Variants in KCTD8 observed in about 807,000 individuals in gnomAD.
KCTD8 encodes the protein BTB/POZ domain-containing protein KCTD8.
Under a neutral mutation model 31.5 loss-of-function variants are expected in KCTD8, and 27 were observed. That is an observed-to-expected ratio of 0.86 (90% CI 0.63 to 1.18). The LOEUF is 1.18. Ranked by LOEUF, KCTD8 falls within the 50% of genes most tolerant of loss-of-function variation. The pLI is 0.00. For missense variants in KCTD8, 658 were observed against 647.7 expected (o/e 1.02, Z -0.17); for synonymous variants, 290 against 280.0 (o/e 1.04, Z -0.36).
rs371301092 is a variant in KCTD8, at chr4:44,329,799, A to G, written c.961+117764T>C. ...GTACTCTATCAGTATAATATTCTTG[A>G]GATACAAATAATTCTTGGAATAGTC... On this transcript the variant is annotated intron_variant, in intron 1 of 1. Transcript: ENST00000360029. Among the ~76,000 whole-genome samples the G allele has an allele frequency of 5.9e-5, 9 of 152,088 alleles. No homozygotes were observed. In the South Asian group the frequency reaches 1.9e-3, roughly 32 times the overall value.
chr4:44,370,361 G>A lies in KCTD8; in HGVS notation c.961+77202C>T, dbSNP rs898675702. Among the ~76,000 whole-genome samples the A allele has an allele frequency of 2.0e-5, 3 of 152,260 alleles. No individual in the cohort carries two copies. The East Asian group carries it at 5.8e-4, about 29-fold the overall frequency. On this transcript the variant is annotated intron_variant, in intron 1 of 1. Coordinates refer to ENST00000360029, the MANE Select transcript of KCTD8 (RefSeq NM_198353.3). Reference sequence around the variant, plus strand: ...ACTTCCAAGATGGTAATATATAAGGGTGTAAAAAGCTATATCCCTATGTCC... The same window carrying A: ...ACTTCCAAGATGGTAATATATAAGGATGTAAAAAGCTATATCCCTATGTCC...
chr4:44,337,673 C>CAAAAA (rs772899561), intron 1 of KCTD8, among the ~76,000 whole-genome samples: 8 of 70,518 alleles, frequency 1.1e-4, no homozygotes, highest in African/African-American at 4.1e-4. Context: ...GACTCGATCT[C>CAAAAA]AAAAAATATA....
chr4:44,281,198 AC>A (rs749651113), intron 1 of KCTD8, among the ~76,000 whole-genome samples: 3 of 152,092 alleles, frequency 2.0e-5, no homozygotes, highest in Non-Finnish European at 4.4e-5. Flanking sequence ...AAACTCTGTC[AC>A]TTGTAAAATA....
chr4:44,374,289 C>T (rs901927224), intron 1 of KCTD8, among the ~76,000 whole-genome samples: 1 of 152,188 alleles, frequency 6.6e-6, no homozygotes, highest in Non-Finnish European at 1.5e-5. Context: ...AGACTGCTAG[C>T]TCCCACCTTT....
intron 1 of KCTD8, among the ~76,000 whole-genome samples, chr4:44,330,123 C>CCTCA (rs1445483805): frequency 6.6e-6 from 1 of 151,810 alleles, no homozygotes; most frequent in Non-Finnish European, 1.5e-5. Flanking sequence ...TAACTAAAAA[C>CCTCA]CTCACATTTC....
intron 1 of KCTD8, among the ~76,000 whole-genome samples, chr4:44,384,660 G>C (rs1303575994): frequency 1.3e-5 from 2 of 151,624 alleles, no homozygotes; most frequent in Non-Finnish European, 3.0e-5. Flanking sequence ...GGGAAAGGTT[G>C]GTTAATGAAT....
At chr4:44,234,909 T>C (rs774384928) in intron 1 of KCTD8, among the ~76,000 whole-genome samples, 13 of 152,308 alleles carry the variant, frequency 8.5e-5, no homozygotes, top group South Asian at 2.1e-4. Flanking sequence ...TTGTTTCTAA[T>C]TGACATTTCC....
chr4:44,220,937 A>G (rs1462629361), intron 1 of KCTD8, among the ~76,000 whole-genome samples: 3 of 152,186 alleles, frequency 2.0e-5, no homozygotes, highest in African/African-American at 7.2e-5. Context: ...AATACATGTG[A>G]TGAATTTTAT....
At chr4:44,440,772 C>A (rs1164480393) in intron 1 of KCTD8, among the ~76,000 whole-genome samples, 1 of 152,076 alleles carries the variant, frequency 6.6e-6, no homozygotes, top group African/African-American at 2.4e-5. Context: ...GATCAACATG[C>A]GAAAAGATCA....
chr4:44,244,441 G>C (rs1458071188), intron 1 of KCTD8, among the ~76,000 whole-genome samples: 2 of 152,052 alleles, frequency 1.3e-5, no homozygotes, highest in African/African-American at 4.8e-5. Context: ...TCAGAATCAA[G>C]GTTGCTCTAA....
At chr4:44,204,598 C>T (rs926047388) in intron 1 of KCTD8, among the ~76,000 whole-genome samples, 16 of 152,012 alleles carry the variant, frequency 1.1e-4, no homozygotes, top group African/African-American at 3.9e-4. Context: ...TCAGGGAGCT[C>T]GGTTTTTGAG....
intron 1 of KCTD8, among the ~76,000 whole-genome samples, chr4:44,436,011 C>A (rs980100409): frequency 3.3e-5 from 5 of 152,018 alleles, no homozygotes; most frequent in African/African-American, 1.2e-4. Flanking sequence ...AGTTTTGTAT[C>A]CCTTATGGTA....
rs559190762 is a variant in KCTD8, at chr4:44,187,042, G to A, written c.962-11792C>T. Among the ~76,000 whole-genome samples the A allele has an allele frequency of 5.3e-5, 8 of 152,172 alleles. No individual in the cohort carries two copies. The South Asian group carries it at 6.2e-4, about 12-fold the overall frequency. On this transcript the variant is annotated intron_variant, in intron 1 of 1. Transcript: ENST00000360029. ...CAAAAGCAAAGAAATGGGGGGAGTC[G>A]AAGATAAACCATTTAGCAGTGAGTC...
At chr4:44,446,907 TA>T (rs996712185) in intron 1 of KCTD8, among the ~76,000 whole-genome samples, 4 of 152,152 alleles carry the variant, frequency 2.6e-5, no homozygotes, top group Admixed American at 1.3e-4. Context: ...AGACTGGAGA[TA>T]ACAGACGCAG....
chr4:44,250,889 T>A (rs763702354), intron 1 of KCTD8, among the ~76,000 whole-genome samples: 4 of 151,734 alleles, frequency 2.6e-5, no homozygotes, highest in Non-Finnish European at 5.9e-5. Flanking sequence ...GTGTCTTGAG[T>A]CATTTTGAGT....
intron 1 of KCTD8, among the ~76,000 whole-genome samples, chr4:44,423,801 T>C (rs911986897): frequency 2.6e-5 from 4 of 152,170 alleles, no homozygotes; most frequent in Non-Finnish European, 5.9e-5. Flanking sequence ...AGCAGATTCA[T>C]ACACTTCCCA....
chr4:44,385,502 T>C (rs1313754815), intron 1 of KCTD8, among the ~76,000 whole-genome samples: 1 of 151,668 alleles, frequency 6.6e-6, no homozygotes, highest in Non-Finnish European at 1.5e-5. Context: ...TATCTATATA[T>C]AAAAGAAAGA....
intron 1 of KCTD8, among the ~76,000 whole-genome samples, chr4:44,330,711 T>G (rs1472039201): frequency 1.3e-5 from 2 of 151,840 alleles, no homozygotes; most frequent in African/African-American, 2.4e-5. Flanking sequence ...ACCAAAAAGG[T>G]TGCTATAAAA....
intron 1 of KCTD8, among the ~76,000 whole-genome samples, chr4:44,229,934 C>A (rs145306740): frequency 6.6e-6 from 1 of 152,008 alleles, no homozygotes; most frequent in African/African-American, 2.4e-5. Context: ...CCCATCAACA[C>A]GTCATCTACA....
Sources: gnomAD v4.1 joint callset for allele counts (sites outside exome capture counted in the v4.1 genomes callset) on GRCh38, gnomAD v4.1.1 for gene constraint, MANE v1.5 for transcripts, NCBI Gene and HGNC (gene_info 2026-07-23, HGNC 2026-07-21) for gene names.